Variants in NLRP3 observed in about 807,000 individuals in gnomAD.
The protein encoded by NLRP3 is NLR family pyrin domain containing 3.
Under a neutral mutation model 91.3 loss-of-function variants are expected in NLRP3, and 48 were observed. The observed-to-expected ratio is 0.53, with a 90% CI of 0.42 to 0.67. The LOEUF is 0.67. Ranked by LOEUF, NLRP3 falls within the 30% of genes least tolerant of loss-of-function variation. The probability of loss-of-function intolerance (pLI) is 0.00; values close to 1 mark genes in which losing one functional copy is unlikely to be tolerated. For synonymous variants in NLRP3, 561 were observed against 507.9 expected, an observed-to-expected ratio of 1.10 and a Z score of -1.41; for missense variants, 982 against 1,276.9, an observed-to-expected ratio of 0.77 and a Z score of 3.52.
intron 5 of NLRP3, among the ~76,000 whole-genome samples, chr1:247,430,630 T>C (rs184454342): frequency 3.4e-4 from 51 of 151,994 alleles, no homozygotes; most frequent in Non-Finnish European, 1.8e-4. Flanking sequence ...GAAGAATGAA[T>C]GAGGAACTAA....
intron 5 of NLRP3, among the ~76,000 whole-genome samples, chr1:247,433,012 T>G (rs1264122763): frequency 6.6e-6 from 1 of 151,468 alleles, no homozygotes; most frequent in East Asian, 1.9e-4. Flanking sequence ...GACCTTGTCT[T>G]TAGAAGATAA....
chr1:247,417,293 G>A (rs1662127717), intron 1 of NLRP3, among the ~76,000 whole-genome samples: 1 of 152,110 alleles, frequency 6.6e-6, no homozygotes, highest in Admixed American at 6.6e-5. Context: ...CTAAGACTCA[G>A]TTTATGCATC....
At chr1:247,433,526 C>T (rs1294918835) in intron 5 of NLRP3, among the ~76,000 whole-genome samples, 3 of 152,066 alleles carry the variant, frequency 2.0e-5, no homozygotes, top group Middle Eastern at 3.2e-3. Flanking sequence ...CAGGTGATCC[C>T]TCTGCTGTGA....
chr1:247,419,825 T>A lies in NLRP3; in HGVS notation c.277+748T>A, dbSNP rs1269035942. 2.0e-5 allele frequency among the ~76,000 whole-genome samples: 3 copies of A among 152,242 alleles called. No individual in the cohort carries two copies. The East Asian group carries it at 5.8e-4, about 29-fold the overall frequency. On this transcript the variant is annotated intron_variant, in intron 2 of 9. Transcript: ENST00000336119. ...CAAATTTTGTTTAGTTATCTGTTGA[T>A]GAACACCTGGATTACTTCTACCTTT...
intron 1 of NLRP3, among the ~76,000 whole-genome samples, chr1:247,417,268 G>C (rs1043198111): frequency 6.6e-6 from 1 of 152,092 alleles, no homozygotes; most frequent in Non-Finnish European, 1.5e-5. Context: ...CCCCTCGGCA[G>C]GCTTCCTAGT....
In NLRP3 at chr1:247,436,065, A is replaced by AT; in HGVS notation, c.2589dup (p.Ala864CysfsTer12). The AT allele has an allele frequency of 6.2e-7, 1 of 1,614,160 alleles. No homozygotes were observed. The highest frequency in any genetic ancestry group is 1.3e-5 in the African/African-American group (1 of 75,050). ...CTGACCAGACTCTATGTGGGGGAGA[A>AT]TGCCTTGGGAGACTCAGGAGTCGCA... On this transcript the variant is annotated frameshift_variant, in exon 7 of 10. Coordinates refer to ENST00000336119, the MANE Select transcript of NLRP3 (RefSeq NM_001243133.2). LOFTEE classifies it high-confidence loss of function.
At chr1:247,430,155 C>A (rs573594923) in intron 5 of NLRP3, among the ~76,000 whole-genome samples, 4 of 152,296 alleles carry the variant, frequency 2.6e-5, no homozygotes, top group Admixed American at 6.5e-5. Context: ...GGATTACAGG[C>A]ATGAGCCACC....
intron 5 of NLRP3, among the ~76,000 whole-genome samples, chr1:247,433,019 A>T (rs78148018): frequency 6.6e-6 from 1 of 151,274 alleles, no homozygotes; most frequent in Non-Finnish European, 1.5e-5. Context: ...TCTTTAGAAG[A>T]TAATAATAAT....
chr1:247,442,416 G>A (rs569531125), intron 7 of NLRP3, among the ~76,000 whole-genome samples: 1 of 152,158 alleles, frequency 6.6e-6, no homozygotes, highest in Non-Finnish European at 1.5e-5. Flanking sequence ...TAGGAATTAC[G>A]CCACCAGTGA....
At chr1:247,444,592 T>C in intron 8 of NLRP3, 59 bp from the exon 9 acceptor site, 3 of 1,584,606 alleles carry the variant, frequency 1.9e-6, no homozygotes, top group Non-Finnish European at 2.6e-6. Context: ...TGCTAAAATC[T>C]TGGGGAGCTA....
intron 5 of NLRP3, 108 bp downstream of exon 5, chr1:247,429,863 T>C (rs1217344399): frequency 1.4e-6 from 2 of 1,401,260 alleles, no homozygotes; most frequent in Non-Finnish European, 2.0e-6. Context: ...TGTGGTTTCT[T>C]TCTTTTCTTT....
At chr1:247,441,131 CTTTCTTTCTTTCTT>C (rs1490689151) in intron 7 of NLRP3, among the ~76,000 whole-genome samples, 121 of 21,988 alleles carry the variant, frequency 5.5e-3, no homozygotes, top group Non-Finnish European at 0.011. Context: ...TTCTTTTTCT[CTTTCTTTCTTTCTT>C]TCTCTCTCTC....
chr1:247,424,116 CA>C lies in NLRP3; in HGVS notation c.668del (p.Gln223ArgfsTer15). On this transcript the variant is annotated frameshift_variant, in exon 4 of 10. Coordinates refer to ENST00000336119, the MANE Select transcript of NLRP3 (RefSeq NM_001243133.2). LOFTEE classifies it high-confidence loss of function. The surrounding 1 kb of genome is among the most constrained non-coding windows in gnomAD (Gnocchi z 8.1). ...TGAGCCTGTGCACACCGTGGTGTTCCAGGGGGCGGCAGGGATTGGGAAAACA... is the reference window on the plus strand; with the variant it reads ...TGAGCCTGTGCACACCGTGGTGTTCCGGGGGCGGCAGGGATTGGGAAAACA... ...HSEPVHTVVF[Q>X]GAAGIGKTIL... 1 of 1,614,040 alleles carries C rather than the reference CA, an allele frequency of 6.2e-7. No individual in the cohort carries two copies.
In NLRP3 at chr1:247,443,969, C is replaced by T. The variant is rs754603629; in HGVS notation, c.2664-3C>T. On this transcript the variant is annotated splice_region_variant and splice_polypyrimidine_tract_variant and intron_variant, in intron 7 of 9. Coordinates refer to ENST00000336119, the MANE Select transcript of NLRP3 (RefSeq NM_001243133.2). ...GAGGACTCTTCTCCCTGTCCTTCTA[C>T]AGGTTGGTGAATTCTGGCCTTACGT... 1.2e-6 allele frequency: 2 copies of T among 1,614,028 alleles called. No individual in the cohort carries two copies. Among genetic ancestry groups the T allele is most frequent in the South Asian group, 2.2e-5 (2 of 91,048 alleles).
chr1:247,422,233 G>A (rs1000836078), intron 2 of NLRP3, among the ~76,000 whole-genome samples: 1 of 152,004 alleles, frequency 6.6e-6, no homozygotes, highest in African/African-American at 2.4e-5. Context: ...GCAAACATTA[G>A]TTAGGTGTGG....
chr1:247,429,108 ATCT>A (rs1326036844), intron 4 of NLRP3, among the ~76,000 whole-genome samples: 3 of 151,874 alleles, frequency 2.0e-5, no homozygotes, highest in African/African-American at 7.3e-5. Context: ...GGCCAGGCTG[ATCT>A]TGAACTCCTG....
chr1:247,434,394 G>C, intron 6 of NLRP3, 121 bp downstream of exon 6: 1 of 1,002,408 alleles, frequency 1.0e-6, no homozygotes, highest in South Asian at 1.3e-5. Flanking sequence ...TCGGGTGACT[G>C]CGTGTGCTTG....
chr1:247,423,452 C>T, intron 3 of NLRP3, 103 bp downstream of exon 3: 7 of 1,366,844 alleles, frequency 5.1e-6, no homozygotes, highest in Non-Finnish European at 7.3e-6. Context: ...TAGGTTCCTG[C>T]TCTTTGGAAT....
intron 7 of NLRP3, among the ~76,000 whole-genome samples, chr1:247,436,759 T>A (rs1663817568): frequency 6.6e-6 from 1 of 152,352 alleles, no homozygotes; most frequent in South Asian, 2.1e-4. Flanking sequence ...CCTTGTTTTT[T>A]TTGGCAGTTA....
Sources: allele counts gnomAD v4.1 joint callset (sites outside exome capture counted in the v4.1 genomes callset), GRCh38; gene constraint gnomAD v4.1.1; non-coding constraint Gnocchi (gnomAD v3.1); transcripts MANE v1.5; gene names NCBI Gene and HGNC (gene_info 2026-07-23, HGNC 2026-07-21).